The following PCDH15 variants were observed in gnomAD, a reference collection of about 807,000 sequenced individuals.
The protein encoded by PCDH15 is protocadherin-15.
A neutral mutation model predicts 178.5 loss-of-function variants in PCDH15; 129 were observed. The ratio of observed to expected loss-of-function variants is 0.72; its 90% CI spans 0.63 to 0.84. PCDH15 has a LOEUF of 0.84. Among genes scored for constraint, PCDH15 ranks in the 40% least tolerant of loss-of-function variants. The probability of loss-of-function intolerance (pLI) is 0.00; values close to 1 mark genes in which losing one functional copy is unlikely to be tolerated. For missense variants in PCDH15, 2,230 were observed against 2,099.9 expected (o/e 1.06, Z -1.21); for synonymous variants, 800 against 732.0 (o/e 1.09, Z -1.50).
intron 2 of PCDH15, among the ~76,000 whole-genome samples, chr10:55,046,205 TAC>T (rs1489564197): frequency 1.3e-5 from 2 of 152,036 alleles, no homozygotes; most frequent in Middle Eastern, 3.4e-3. Context: ...GCTTGCAAAA[TAC>T]AGTCTGGCCT....
At chr10:55,052,494 G>A (rs550698079) in intron 2 of PCDH15, among the ~76,000 whole-genome samples, 23 of 124,114 alleles carry the variant, frequency 1.9e-4, no homozygotes, top group Non-Finnish European at 1.9e-4. Flanking sequence ...GACCTCAGGA[G>A]TTCAAGACCA....
At chr10:54,934,168 A>T (rs903101204) in intron 2 of PCDH15, among the ~76,000 whole-genome samples, 24 of 152,104 alleles carry the variant, frequency 1.6e-4, no homozygotes, top group African/African-American at 4.3e-4. Context: ...ATTTGTGGGA[A>T]TTTTTTTGTC....
chr10:54,997,047 T>C (rs968299606), intron 2 of PCDH15, among the ~76,000 whole-genome samples: 1 of 150,618 alleles, frequency 6.6e-6, no homozygotes, highest in African/African-American at 2.5e-5. Context: ...AGGTGGAGGT[T>C]GCAGTGAGCT....
At position 54,773,855 on chromosome 10, in the gene PCDH15, A is replaced by C. The variant is rs138974524; in HGVS notation, c.-29+27070T>G. ...ATAACCTAAAGAAAAAAAATCTAGGAGCATCATACAATAAAAATGAACTGA... is the reference window on the plus strand; with the variant it reads ...ATAACCTAAAGAAAAAAAATCTAGGCGCATCATACAATAAAAATGAACTGA... On this transcript the variant is annotated intron_variant, in intron 1 of 37. Transcript: ENST00000644397. Among the ~76,000 whole-genome samples the C allele has an allele frequency of 2.2e-3, 336 of 152,248 alleles. 2 individuals carry two copies. The highest frequency in any genetic ancestry group is 6.5e-3 in the African/African-American group (270 of 41,548).
chr10:55,557,432 T>TA (rs1383859012), intron 2 of PCDH15, among the ~76,000 whole-genome samples: 1 of 152,154 alleles, frequency 6.6e-6, no homozygotes, highest in Admixed American at 6.6e-5. Context: ...AAGTTAAATG[T>TA]AGGGCTGCCA....
chr10:54,875,468 G>A (rs566953038), intron 3 of PCDH15, among the ~76,000 whole-genome samples: 2 of 152,156 alleles, frequency 1.3e-5, no homozygotes, highest in Non-Finnish European at 1.5e-5. Flanking sequence ...GCTTAGTGAA[G>A]AATACATATT....
Position 54,074,765 on chromosome 10 carries a change from C to CTA in PCDH15, c.2091+4564_2091+4565dup, listed in dbSNP as rs549159091. Among the ~76,000 whole-genome samples, 6 of 152,242 alleles carry CTA rather than the reference C, an allele frequency of 3.9e-5. No homozygotes were observed. In the South Asian group the frequency reaches 1.0e-3, roughly 26 times the overall value. On this transcript the variant is annotated intron_variant, in intron 17 of 37. Coordinates refer to ENST00000644397, the MANE Select transcript of PCDH15 (RefSeq NM_001384140.1). Reference sequence around the variant, plus strand: ...ATTCTATTTTTAATTTTTTGAGAAACTACCACTGTTTTCCACAGTGGTTGT... The same window carrying CTA: ...ATTCTATTTTTAATTTTTTGAGAAACTATACCACTGTTTTCCACAGTGGTTGT...
intron 3 of PCDH15, among the ~76,000 whole-genome samples, chr10:54,521,683 T>C (rs2082881693): frequency 6.6e-6 from 1 of 152,222 alleles, no homozygotes; most frequent in African/African-American, 2.4e-5. Context: ...TATTGACCTT[T>C]GGTATGACTG....
rs142278913 is a variant in PCDH15, at chr10:54,896,942, C to T, written c.-29+508G>A. On this transcript the variant is annotated intron_variant, in intron 3 of 5. Transcript: ENST00000458638. ...GCAATTACATATTGAGAATAAAGAGCCATACACATATATTTTAAAAAGAAC... is the reference window on the plus strand; with the variant it reads ...GCAATTACATATTGAGAATAAAGAGTCATACACATATATTTTAAAAAGAAC... Among the ~76,000 whole-genome samples, 24 of 152,178 alleles carry T rather than the reference C, an allele frequency of 1.6e-4. No individual in the cohort carries two copies. The East Asian group carries it at 3.5e-3, about 22-fold the overall frequency.
chr10:54,748,086 G>A (rs983661146), intron 1 of PCDH15, among the ~76,000 whole-genome samples: 5 of 152,178 alleles, frequency 3.3e-5, no homozygotes, highest in South Asian at 2.1e-4. Flanking sequence ...ATTACAAGGC[G>A]TGAGCCACCG....
chr10:54,946,832 C>T (rs1838210843), intron 2 of PCDH15, among the ~76,000 whole-genome samples: 1 of 151,714 alleles, frequency 6.6e-6, no homozygotes, highest in South Asian at 2.1e-4. Flanking sequence ...ATATCAAATT[C>T]CTTGTGCTCC....
At chr10:54,637,962 T>C (rs1050764481) in intron 2 of PCDH15, among the ~76,000 whole-genome samples, 2 of 152,132 alleles carry the variant, frequency 1.3e-5, no homozygotes. Flanking sequence ...TCAGATCTAC[T>C]TGACTAATTA....
rs1041531114 is a variant in PCDH15, at chr10:55,194,901, T to C, written c.-155-28250A>G. On this transcript the variant is annotated intron_variant, in intron 1 of 5. Transcript: ENST00000458638. Reference sequence around the variant, plus strand: ...ACCTTCTCTATATGTTTATATACAATTCAACATATGTTAAAAATGTTATAG... The same window carrying C: ...ACCTTCTCTATATGTTTATATACAACTCAACATATGTTAAAAATGTTATAG... Among the ~76,000 whole-genome samples, 9 of 152,090 alleles carry C rather than the reference T, an allele frequency of 5.9e-5. 1 individual carries two copies. Among genetic ancestry groups the C allele is most frequent in the African/African-American group, 2.2e-4 (9 of 41,366 alleles).
chr10:54,497,238 C>T (rs1474714991), intron 3 of PCDH15, among the ~76,000 whole-genome samples: 17 of 142,384 alleles, frequency 1.2e-4, no homozygotes, highest in Admixed American at 1.2e-3. Context: ...CAATTTGTAC[C>T]ACAGGAAAAA....
intron 27 of PCDH15, among the ~76,000 whole-genome samples, chr10:53,864,027 G>C (rs113379969): frequency 6.6e-6 from 1 of 152,184 alleles, no homozygotes; most frequent in African/African-American, 2.4e-5. Context: ...TTCAGGAGCA[G>C]AGAAGATTTT....
At chr10:54,045,800 T>C (rs962245851) in intron 18 of PCDH15, among the ~76,000 whole-genome samples, 2 of 151,982 alleles carry the variant, frequency 1.3e-5, no homozygotes, top group Admixed American at 6.6e-5. Flanking sequence ...TTAAGCAAGG[T>C]CAAAAGAATA....
chr10:55,284,498 A>T (rs1241069195), intron 1 of PCDH15, among the ~76,000 whole-genome samples: 1 of 152,124 alleles, frequency 6.6e-6, no homozygotes, highest in Non-Finnish European at 1.5e-5. Flanking sequence ...ATAAAGGTAC[A>T]GTTTATGCAG....
At chr10:54,194,267 T>C (rs1183131065) in intron 11 of PCDH15, among the ~76,000 whole-genome samples, 1 of 152,100 alleles carries the variant, frequency 6.6e-6, no homozygotes, top group Non-Finnish European at 1.5e-5. Context: ...CTATGTGTAA[T>C]GAGATATTAG....
chr10:54,295,427 A>G lies in PCDH15; in HGVS notation c.876+21844T>C, dbSNP rs1231411302. Among the ~76,000 whole-genome samples the G allele has an allele frequency of 3.3e-5, 5 of 152,226 alleles. No homozygotes were observed. In the South Asian group the frequency reaches 6.2e-4, roughly 19 times the overall value. On this transcript the variant is annotated intron_variant, in intron 8 of 37. Transcript: ENST00000644397. ...CGTCAACCTGCTCGGATCCCCTTCC[A>G]TGCTGTGGAAGTTTTGTTCTTTGGC...
Sources: allele counts gnomAD v4.1 joint callset (sites outside exome capture counted in the v4.1 genomes callset), GRCh38; gene constraint gnomAD v4.1.1; transcripts MANE v1.5; gene names NCBI Gene and HGNC (gene_info 2026-07-23, HGNC 2026-07-21).